SFMBT1: variants seen among roughly 807,000 people sequenced by gnomAD.
SFMBT1 encodes the protein Scm like with four mbt domains 1, also known as scm-like with four MBT domains protein 1.
In SFMBT1, 32 loss-of-function variants were observed where a neutral mutation model predicts 108.7. That is an observed-to-expected ratio of 0.29 (90% CI 0.22 to 0.40). The LOEUF is 0.40. Ranked by LOEUF, SFMBT1 falls within the 10% of genes least tolerant of loss-of-function variation. SFMBT1 has a pLI of 1.00. For missense variants in SFMBT1, 816 were observed against 1,059.6 expected, an observed-to-expected ratio of 0.77 and a Z score of 3.19; for synonymous variants, 348 against 369.5, an observed-to-expected ratio of 0.94 and a Z score of 0.67.
chr3:53,014,481 CAAAACAAAACAAA>C (rs1559549963), intron 1 of SFMBT1, among the ~76,000 whole-genome samples: 328 of 1,562 alleles, frequency 0.21, no homozygotes, highest in African/African-American at 0.23. Context: ...TTAAAAAAAA[CAAAACAAAACAAA>C]ACAAAACAAA....
intron 1 of SFMBT1, among the ~76,000 whole-genome samples, chr3:52,996,585 T>A (rs765329378): frequency 6.7e-6 from 1 of 150,018 alleles, no homozygotes; most frequent in Non-Finnish European, 1.5e-5. Flanking sequence ...GGCAAGCACA[T>A]GAAAAGATAA....
chr3:52,908,019 T>C (rs370557808), intron 17 of SFMBT1, among the ~76,000 whole-genome samples: 4 of 151,938 alleles, frequency 2.6e-5, no homozygotes, highest in Non-Finnish European at 5.9e-5. Flanking sequence ...ACTATCACTA[T>C]AGATTAGCTT....
At chr3:53,004,037 T>G (rs1003761766) in intron 1 of SFMBT1, among the ~76,000 whole-genome samples, 3 of 150,016 alleles carry the variant, frequency 2.0e-5, no homozygotes, top group African/African-American at 7.3e-5. Context: ...ATTCATCTTT[T>G]AAAGTTATAG....
chr3:52,985,528 T>C (rs1409904789), intron 1 of SFMBT1, among the ~76,000 whole-genome samples: 1 of 152,250 alleles, frequency 6.6e-6, no homozygotes, highest in African/African-American at 2.4e-5. Flanking sequence ...TTTAATCCTA[T>C]TCTGCTTAAC....
chr3:53,025,922 A>C (rs909491358), intron 1 of SFMBT1, among the ~76,000 whole-genome samples: 2 of 152,144 alleles, frequency 1.3e-5, no homozygotes, highest in African/African-American at 4.8e-5. Context: ...GCTTTATAAC[A>C]ATTATTGTCA....
At chr3:53,001,978 T>C (rs1178532929) in intron 1 of SFMBT1, among the ~76,000 whole-genome samples, 1 of 126,832 alleles carries the variant, frequency 7.9e-6, no homozygotes, top group Admixed American at 8.3e-5. Flanking sequence ...CACACATAAA[T>C]GAAAGATTAC....
chr3:52,966,928 A>G (rs1465217394), intron 2 of SFMBT1, among the ~76,000 whole-genome samples: 2 of 150,254 alleles, frequency 1.3e-5, no homozygotes, highest in African/African-American at 4.9e-5. Flanking sequence ...CTTCACTTTA[A>G]TAAAATGAAG....
intron 1 of SFMBT1, among the ~76,000 whole-genome samples, chr3:53,036,626 G>T (rs1257044523): frequency 2.0e-5 from 3 of 152,264 alleles, no homozygotes; most frequent in African/African-American, 4.8e-5. Context: ...AGCCCAACGG[G>T]CAGGGATGTA....
intron 3 of SFMBT1, among the ~76,000 whole-genome samples, chr3:52,945,913 G>A (rs1297317751): frequency 5.9e-5 from 9 of 151,836 alleles, no homozygotes; most frequent in Admixed American, 5.9e-4. Context: ...AAATCTCAAA[G>A]GTTCTCCCAG....
chr3:52,928,363 G>A (rs1356872381), intron 8 of SFMBT1, 22 bp from the exon 9 acceptor site: 3 of 1,609,802 alleles, frequency 1.9e-6, no homozygotes, highest in African/African-American at 1.3e-5. Context: ...ATTAATAGAT[G>A]AAATAGACAA....
intron 4 of SFMBT1, among the ~76,000 whole-genome samples, chr3:52,938,625 A>G (rs1049440338): frequency 1.6e-5 from 2 of 125,204 alleles, no homozygotes; most frequent in Non-Finnish European, 3.4e-5. Context: ...GTTATATTAC[A>G]TGGCAATAAA....
At chr3:52,928,711 T>C (rs951391057) in intron 8 of SFMBT1, among the ~76,000 whole-genome samples, 2 of 149,078 alleles carry the variant, frequency 1.3e-5, no homozygotes, top group Non-Finnish European at 3.0e-5. Context: ...TTGTTTTTTT[T>C]TGGAGACAGG....
At chr3:52,972,582 A>C (rs906194305) in intron 1 of SFMBT1, among the ~76,000 whole-genome samples, 2 of 152,068 alleles carry the variant, frequency 1.3e-5, no homozygotes, top group African/African-American at 4.8e-5. Context: ...TGGTATTATC[A>C]CCCTCTTGTA....
At chr3:52,978,588 T>C (rs546606519) in intron 1 of SFMBT1, among the ~76,000 whole-genome samples, 2 of 151,902 alleles carry the variant, frequency 1.3e-5, no homozygotes, top group African/African-American at 4.9e-5. Context: ...AGAGTTACCA[T>C]ATGGGCCAGT....
intron 2 of SFMBT1, among the ~76,000 whole-genome samples, chr3:52,968,053 A>C (rs1704208365): frequency 6.6e-6 from 1 of 152,326 alleles, no homozygotes; most frequent in East Asian, 1.9e-4. Flanking sequence ...AAAATGTACT[A>C]CAATAGATGA....
At chr3:53,005,173 C>T (rs554155249) in intron 1 of SFMBT1, among the ~76,000 whole-genome samples, 3 of 152,230 alleles carry the variant, frequency 2.0e-5, no homozygotes, top group Admixed American at 1.3e-4. Context: ...ACATACAGTC[C>T]GTACACTTTG....
At chr3:53,004,182 TTTCC>T (rs903263610) in intron 1 of SFMBT1, among the ~76,000 whole-genome samples, 3 of 148,804 alleles carry the variant, frequency 2.0e-5, no homozygotes, top group African/African-American at 7.3e-5. Flanking sequence ...CTCAGGAGCA[TTTCC>T]TTCCTTCCTT....
At chr3:52,961,852 TC>T (rs1453237764) in intron 2 of SFMBT1, among the ~76,000 whole-genome samples, 3 of 152,250 alleles carry the variant, frequency 2.0e-5, no homozygotes, top group African/African-American at 7.2e-5. Context: ...GGACTCTAGG[TC>T]CTTAAATAGC....
chr3:52,955,216 C>G (rs1225705474), intron 2 of SFMBT1, among the ~76,000 whole-genome samples: 3 of 151,894 alleles, frequency 2.0e-5, no homozygotes, highest in African/African-American at 7.3e-5. Context: ...AGTTCAAGAC[C>G]AGCCTGGCCA....
Sources: gnomAD v4.1 joint callset for allele counts (sites outside exome capture counted in the v4.1 genomes callset) on GRCh38, gnomAD v4.1.1 for gene constraint, MANE v1.5 for transcripts, NCBI Gene and HGNC (gene_info 2026-07-23, HGNC 2026-07-21) for gene names.